HNRNPR: variants seen among roughly 807,000 people sequenced by gnomAD.
HNRNPR encodes heterogeneous nuclear ribonucleoprotein R.
Under a neutral mutation model 70.3 loss-of-function variants are expected in HNRNPR, and 4 were observed. The ratio of observed to expected loss-of-function variants is 0.06; its 90% confidence interval spans 0.03 to 0.13. The LOEUF is 0.13. Ranked by LOEUF, HNRNPR falls within the 10% of genes least tolerant of loss-of-function variation. HNRNPR has a pLI of 1.00. For synonymous variants in HNRNPR, 241 were observed against 267.6 expected (o/e 0.90, Z 0.97); for missense variants, 423 against 788.5 (o/e 0.54, Z 5.55).
intron 1 of HNRNPR, among the ~76,000 whole-genome samples, chr1:23,341,418 A>C (rs987912667): frequency 6.6e-6 from 1 of 152,148 alleles, no homozygotes; most frequent in African/African-American, 2.4e-5. Flanking sequence ...CAGAATGAAC[A>C]CCCACAGACC....
At chr1:23,343,511 C>T (rs1313017311) in intron 1 of HNRNPR, among the ~76,000 whole-genome samples, 1 of 152,216 alleles carries the variant, frequency 6.6e-6, no homozygotes, top group African/African-American at 2.4e-5. Flanking sequence ...CGGCCACTAC[C>T]GTGTAAGAAA....
At chr1:23,343,877 C>A (rs1229705033) in intron 1 of HNRNPR, among the ~76,000 whole-genome samples, 1 of 152,158 alleles carries the variant, frequency 6.6e-6, no homozygotes, top group Non-Finnish European at 1.5e-5. Flanking sequence ...GGGCCGCGGG[C>A]GCCTCAGGCC....
chr1:23,343,440 G>A (rs1646779238), intron 1 of HNRNPR, among the ~76,000 whole-genome samples: 1 of 152,142 alleles, frequency 6.6e-6, no homozygotes, highest in Non-Finnish European at 1.5e-5. Flanking sequence ...ATCTCAAACA[G>A]GTAGTGTGAA....
chr1:23,342,051 A>G (rs183341489), intron 1 of HNRNPR, among the ~76,000 whole-genome samples: 5 of 152,352 alleles, frequency 3.3e-5, no homozygotes, highest in Admixed American at 2.0e-4. Context: ...AGAACAAGAC[A>G]TTGCAACACA....
intron 5 of HNRNPR, among the ~76,000 whole-genome samples, chr1:23,326,331 T>A (rs1055951514): frequency 6.6e-6 from 1 of 152,154 alleles, no homozygotes; most frequent in African/African-American, 2.4e-5. Context: ...CTGTTATATG[T>A]GATTTAAGTG....
At chr1:23,316,121 G>A (rs1645534581) in intron 8 of HNRNPR, among the ~76,000 whole-genome samples, 1 of 152,160 alleles carries the variant, frequency 6.6e-6, no homozygotes, top group African/African-American at 2.4e-5. Context: ...GTGAATAACA[G>A]AAGCTTTACT....
In HNRNPR at chr1:23,310,891, G is replaced by A; in HGVS notation, c.1465C>T (p.Pro489Ser). The A allele has an allele frequency of 1.2e-6, 2 of 1,613,976 alleles. No individual in the cohort carries two copies. The highest frequency in any genetic ancestry group is 1.7e-6 in the Non-Finnish European group (2 of 1,179,978). Residue 489 changes from proline (P) to serine (S), a missense_variant, in exon 11 of 11, where the codon CCC becomes TCC. Physicochemically the swap from Pro to Ser is moderately conservative, Grantham distance 74 (BLOSUM62 -1). Around this residue, in one of 7 missense-constraint regions of HNRNPR, gnomAD observed 169 missense variants for 195.6 expected, o/e 0.86. Transcript: ENST00000302271. The surrounding 1 kb of genome is among the most constrained non-coding windows in gnomAD (Gnocchi z 6.0). ...YHDYRGGYED[P>S]YYGYDDGYAV... ...TAGCCATCATCATAGCCGTAGTAGGGATCTTCATAGCCTCCACGATAGTCG... is the reference window on the plus strand; with the variant it reads ...TAGCCATCATCATAGCCGTAGTAGGAATCTTCATAGCCTCCACGATAGTCG...
At chr1:23,330,277 C>T (rs960973573) in intron 5 of HNRNPR, among the ~76,000 whole-genome samples, 2 of 151,686 alleles carry the variant, frequency 1.3e-5, no homozygotes, top group African/African-American at 2.4e-5. Flanking sequence ...TTGCTCACTC[C>T]TGTAATCCCA....
At chr1:23,317,385 G>A (rs969682474) in intron 8 of HNRNPR, among the ~76,000 whole-genome samples, 2 of 151,984 alleles carry the variant, frequency 1.3e-5, no homozygotes, top group Admixed American at 6.6e-5. Flanking sequence ...GTGAACCCAG[G>A]AGGCAGAGCT....
At chr1:23,323,446 T>A (rs1645836088) in intron 6 of HNRNPR, 110 bp downstream of exon 6, 7 of 1,039,444 alleles carry the variant, frequency 6.7e-6, no homozygotes, top group Non-Finnish European at 1.4e-6. Flanking sequence ...ATAAAAACAT[T>A]CCAAGCAACA....
intron 8 of HNRNPR, among the ~76,000 whole-genome samples, 159 bp from the exon 9 acceptor site, chr1:23,313,861 A>G (rs937604540): frequency 2.6e-5 from 4 of 152,310 alleles, no homozygotes; most frequent in African/African-American, 7.2e-5. Context: ...AATGACACTG[A>G]TATCAGTCAC....
chr1:23,318,034 C>T lies in HNRNPR; in HGVS notation c.1017+449G>A, dbSNP rs983922579. Among the ~76,000 whole-genome samples, 6 of 147,938 alleles carry T rather than the reference C, an allele frequency of 4.1e-5. No individual in the cohort carries two copies. The highest frequency in any genetic ancestry group is 8.9e-5 in the Non-Finnish European group (6 of 67,584). ...TTAAAAATAAAAACTACAAAAAAAG[C>T]TTAAAAAAAGAAAAATTAGCTATAA... is the stretch of plus-strand genomic sequence containing the variant. On this transcript the variant is annotated intron_variant, in intron 8 of 10. Coordinates refer to ENST00000302271, the MANE Select transcript of HNRNPR (RefSeq NM_005826.5). The surrounding 1 kb of genome is among the most constrained non-coding windows in gnomAD (Gnocchi z 4.2).
chr1:23,330,398 G>C (rs1449257261), intron 5 of HNRNPR, among the ~76,000 whole-genome samples: 2 of 152,118 alleles, frequency 1.3e-5, no homozygotes, highest in Non-Finnish European at 2.9e-5. Context: ...AGCTGAGCAT[G>C]GTGGTGCATG....
rs1402680047 is a variant in HNRNPR at position 23,323,596 on chromosome 1, G to T, written c.635C>A (p.Thr212Asn). Reference protein sequence around the residue: ...SGQNRGYAFITFCGKEAAQEA... With the variant: ...SGQNRGYAFINFCGKEAAQEA... ...CTGTGCAGCTTCCTTTCCACAGAAG[G>T]TGATAAATGCATACCCTCTATTCTG... The change falls in exon 6 of 11, where the codon ACC becomes AAC. Residue 212 changes from threonine to asparagine, a missense_variant. Coordinates refer to ENST00000302271, the MANE Select transcript of HNRNPR (RefSeq NM_005826.5). 1 of 1,613,994 alleles carries T rather than the reference G, an allele frequency of 6.2e-7. No homozygotes were observed. Among genetic ancestry groups the T allele is most frequent in the Admixed American group, 1.7e-5 (1 of 60,016 alleles).
At chr1:23,334,858 A>C (rs1646399396) in intron 4 of HNRNPR, among the ~76,000 whole-genome samples, 1 of 152,192 alleles carries the variant, frequency 6.6e-6, no homozygotes, top group Admixed American at 6.5e-5. Flanking sequence ...AGAAGAAAAG[A>C]TACAATGGTA....
At chr1:23,336,245 G>A (rs992576322) in intron 4 of HNRNPR, among the ~76,000 whole-genome samples, 20 of 150,970 alleles carry the variant, frequency 1.3e-4, no homozygotes, top group African/African-American at 4.6e-4. Context: ...GGCTAACACA[G>A]TGAAACCCCG....
Position 23,318,796 on chromosome 1 carries a change from C to T in HNRNPR, c.812-108G>A, listed in dbSNP as rs1645645923. 8 of 959,358 alleles carry T rather than the reference C, an allele frequency of 8.3e-6. No individual in the cohort carries two copies. The highest frequency in any genetic ancestry group is 9.5e-6 in the Non-Finnish European group (6 of 629,956). 59.4% of individuals were successfully genotyped at this position (959,358 alleles called of 1,614,324 possible). On this transcript the variant is annotated intron_variant, in intron 7 of 10. Transcript: ENST00000302271. The surrounding 1 kb of genome is among the most constrained non-coding windows in gnomAD (Gnocchi z 4.2). The stretch of plus-strand genomic sequence containing the variant: ...ATGAGCAAAATATAAGTGAAGCAGC[C>T]TCAACATGAGTCACTAATTTTGTAG...
intron 5 of HNRNPR, among the ~76,000 whole-genome samples, chr1:23,327,313 G>T (rs575999985): frequency 2.2e-4 from 33 of 152,102 alleles, no homozygotes; most frequent in African/African-American, 7.5e-4. Flanking sequence ...TATTTTTCTA[G>T]ATTCTAGAAA....
rs200321081 is a variant in HNRNPR at position 23,311,041 on chromosome 1, G to A, written c.1315C>T (p.Pro439Ser). Residue 439 changes from proline (P) to serine (S), a missense_variant, in exon 11 of 11, where the codon CCT (proline) becomes TCT (serine). Physicochemically the swap from Pro to Ser is moderately conservative, Grantham distance 74 (BLOSUM62 -1). This residue lies in a region of HNRNPR where 169 missense variants were observed against 195.6 expected (regional missense o/e 0.86). Transcript: ENST00000302271. ...CTAATTGGAGGTGGCATGCGAGGAG[G>A]AGGGTGGTAGTAATAATCTTCATAC... is the stretch of plus-strand genomic sequence containing the variant. The part of the protein sequence containing the change: ...TAYEDYYYHP[P>S]PRMPPPIRGR... The A allele has an allele frequency of 6.2e-7, 1 of 1,614,154 alleles. No homozygotes were observed. The highest frequency in any genetic ancestry group is 2.2e-5 in the East Asian group (1 of 44,886).
Sources: gnomAD v4.1 joint callset for allele counts (sites outside exome capture counted in the v4.1 genomes callset) on GRCh38, gnomAD v4.1.1 for gene constraint, gnomAD v4.1.1 regional missense constraint, Gnocchi (gnomAD v3.1) non-coding constraint, MANE v1.5 for transcripts, NCBI Gene and HGNC (gene_info 2026-07-23, HGNC 2026-07-21) for gene names.